SUMF1: variants seen among roughly 807,000 people sequenced by gnomAD.
SUMF1 encodes sulfatase modifying factor 1.
A neutral mutation model predicts 47.6 loss-of-function variants in SUMF1; 48 were observed. The observed-to-expected ratio is 1.01, with a 90% CI of 0.80 to 1.28. The LOEUF (loss-of-function observed/expected upper bound fraction) is 1.28, where lower values mean the gene tolerates loss of function less well. Among genes scored for constraint, SUMF1 ranks in the 50% most tolerant of loss-of-function variants. The probability of loss-of-function intolerance (pLI) is 0.00; values close to 1 mark genes in which losing one functional copy is unlikely to be tolerated. For synonymous variants in SUMF1, 230 were observed against 192.1 expected (o/e 1.20, Z -1.63); for missense variants, 571 against 485.4 (o/e 1.18, Z -1.66).
chr3:4,254,104 C>A (rs529301281), intron 8 of SUMF1, among the ~76,000 whole-genome samples: 3 of 151,946 alleles, frequency 2.0e-5, no homozygotes, highest in Admixed American at 6.6e-5. Context: ...ACACCGAAAA[C>A]CCATCTGTAC....
At position 4,203,242 on chromosome 3, in the gene SUMF1, A is replaced by G. The variant is rs575317733; in HGVS notation, c.1015-134497T>C. 4.5e-4 allele frequency among the ~76,000 whole-genome samples: 68 copies of G among 152,024 alleles called. 2 individuals are homozygous for G. Among genetic ancestry groups the G allele is most frequent in the South Asian group, 2.1e-3 (10 of 4,814 alleles). On this transcript the variant is annotated intron_variant and NMD_transcript_variant, in intron 8 of 12. Coordinates refer to the SUMF1 transcript ENST00000448413. ...TCTATCTTTCTCTTTAGCTCTAATA[A>G]TATTTGCTTTATATATTTGGGTGCT... is the stretch of plus-strand genomic sequence containing the variant.
intron 9 of SUMF1, among the ~76,000 whole-genome samples, chr3:4,057,097 G>A (rs184966254): frequency 1.3e-5 from 2 of 152,110 alleles, no homozygotes; most frequent in Non-Finnish European, 2.9e-5. Context: ...ATCAGAAAAA[G>A]TTATTTTAAA....
At chr3:4,146,200 G>A (rs1386501117) in intron 8 of SUMF1, among the ~76,000 whole-genome samples, 3 of 152,098 alleles carry the variant, frequency 2.0e-5, no homozygotes, top group African/African-American at 7.2e-5. Flanking sequence ...CTGGGGAAAA[G>A]AGGGGTGGAT....
chr3:4,429,101 C>T (rs1702155811), intron 3 of SUMF1, among the ~76,000 whole-genome samples: 2 of 152,214 alleles, frequency 1.3e-5, no homozygotes, highest in Admixed American at 1.3e-4. Flanking sequence ...CTACAGTGAA[C>T]ATGTTCAAAC....
chr3:4,294,705 C>A (rs992163761), intron 8 of SUMF1, among the ~76,000 whole-genome samples: 1 of 152,000 alleles, frequency 6.6e-6, no homozygotes, highest in African/African-American at 2.4e-5. Context: ...GGAAAGAAAG[C>A]AATATGTAAA....
intron 6 of SUMF1, among the ~76,000 whole-genome samples, chr3:4,411,545 A>G (rs1203751409): frequency 6.6e-6 from 1 of 152,170 alleles, no homozygotes; most frequent in Non-Finnish European, 1.5e-5. Context: ...TTGGTAATAC[A>G]GGGTTTTCAG....
At chr3:4,390,013 G>A (rs528879929) in intron 7 of SUMF1, among the ~76,000 whole-genome samples, 3 of 152,242 alleles carry the variant, frequency 2.0e-5, no homozygotes, top group South Asian at 4.1e-4. Flanking sequence ...TGGTTCTTGG[G>A]ATGGCAAGTG....
At chr3:4,060,756 A>G (rs1048117967) in intron 9 of SUMF1, among the ~76,000 whole-genome samples, 24 of 152,216 alleles carry the variant, frequency 1.6e-4, no homozygotes, top group African/African-American at 5.5e-4. Context: ...ATGAGGGACT[A>G]CGCATATGTA....
At chr3:4,390,816 C>T (rs1030795290) in intron 7 of SUMF1, among the ~76,000 whole-genome samples, 2 of 152,136 alleles carry the variant, frequency 1.3e-5, no homozygotes, top group East Asian at 1.9e-4. Context: ...CTCCTGGGCT[C>T]ACCATAATGT....
intron 8 of SUMF1, chr3:4,303,824 A>G: frequency 7.3e-7 from 1 of 1,366,692 alleles, no homozygotes; most frequent in Non-Finnish European, 9.7e-7. Context: ...AGGAGGCATC[A>G]CGGGGGGAGT....
intron 8 of SUMF1, among the ~76,000 whole-genome samples, chr3:4,145,983 G>A (rs925242721): frequency 6.6e-6 from 1 of 152,038 alleles, no homozygotes; most frequent in African/African-American, 2.4e-5. Context: ...TAACAGAGAG[G>A]GAAAATCCAC....
chr3:4,036,973 G>A (rs1694811982), intron 9 of SUMF1, among the ~76,000 whole-genome samples: 1 of 151,614 alleles, frequency 6.6e-6, no homozygotes, highest in Non-Finnish European at 1.5e-5. Context: ...TTCAGAGTAT[G>A]AAGATGACCA....
intron 8 of SUMF1, among the ~76,000 whole-genome samples, chr3:4,104,030 C>A (rs1420513480): frequency 6.6e-6 from 1 of 152,110 alleles, no homozygotes; most frequent in Admixed American, 6.5e-5. Flanking sequence ...AGATGAGAGA[C>A]CATGCTGGAA....
intron 8 of SUMF1, among the ~76,000 whole-genome samples, chr3:4,367,354 T>C (rs1217077599): frequency 6.6e-6 from 1 of 152,248 alleles, no homozygotes; most frequent in African/African-American, 2.4e-5. Flanking sequence ...CAGGCCTCCT[T>C]GAGCTGTGGT....
At chr3:4,413,358 C>G (rs1044364192) in intron 6 of SUMF1, among the ~76,000 whole-genome samples, 2 of 152,042 alleles carry the variant, frequency 1.3e-5, no homozygotes, top group Non-Finnish European at 2.9e-5. Flanking sequence ...TATATGGGTG[C>G]TATTTTGTCT....
chr3:4,450,522 TC>T (rs1235106731), intron 2 of SUMF1, among the ~76,000 whole-genome samples: 1 of 152,134 alleles, frequency 6.6e-6, no homozygotes, highest in Non-Finnish European at 1.5e-5. Flanking sequence ...ATTTAGTTAT[TC>T]AACAAACATG....
At chr3:4,308,414 TGTAAA>T (rs571294250) in intron 8 of SUMF1, among the ~76,000 whole-genome samples, 71 of 152,328 alleles carry the variant, frequency 4.7e-4, no homozygotes, top group South Asian at 8.3e-4. Context: ...TGTTTAGTAA[TGTAAA>T]GTAATTTGCC....
At chr3:4,457,273 G>C (rs1280845312) in intron 1 of SUMF1, among the ~76,000 whole-genome samples, 1 of 151,496 alleles carries the variant, frequency 6.6e-6, no homozygotes, top group Non-Finnish European at 1.5e-5. Flanking sequence ...CAAACTATCT[G>C]AAAAAGATAT....
At chr3:4,160,608 C>A (rs977546052) in intron 8 of SUMF1, among the ~76,000 whole-genome samples, 1 of 151,922 alleles carries the variant, frequency 6.6e-6, no homozygotes. Flanking sequence ...ATTAAGAGAC[C>A]CTGATGCATT....
Sources: gnomAD v4.1 joint callset for allele counts (sites outside exome capture counted in the v4.1 genomes callset) on GRCh38, gnomAD v4.1.1 for gene constraint, MANE v1.5 for transcripts, NCBI Gene and HGNC (gene_info 2026-07-23, HGNC 2026-07-21) for gene names.